The following PRKCB variants were observed in gnomAD, a reference collection of about 807,000 sequenced individuals.
PRKCB encodes the protein protein kinase C beta, also known as protein kinase C beta type.
In PRKCB, 13 loss-of-function variants were observed where a neutral mutation model predicts 81.5. That is an observed-to-expected ratio of 0.16 (90% CI 0.10 to 0.25). PRKCB has a LOEUF of 0.25. Among genes scored for constraint, PRKCB ranks in the 10% least tolerant of loss-of-function variants. The pLI is 1.00. For synonymous variants in PRKCB, 335 were observed against 321.4 expected (o/e 1.04, Z -0.45); for missense variants, 509 against 875.7 (o/e 0.58, Z 5.29).
chr16:24,029,119 G>T (rs1047129522), intron 3 of PRKCB, among the ~76,000 whole-genome samples: 11 of 152,206 alleles, frequency 7.2e-5, no homozygotes, highest in African/African-American at 2.7e-4. Context: ...CGAAAAGTAG[G>T]ATTCCTGGGT....
At chr16:23,875,167 G>A (rs1356324596) in intron 2 of PRKCB, among the ~76,000 whole-genome samples, 1 of 151,450 alleles carries the variant, frequency 6.6e-6, no homozygotes, top group Non-Finnish European at 1.5e-5. Context: ...CCCCACAAGT[G>A]GTTGGGACTA....
intron 5 of PRKCB, among the ~76,000 whole-genome samples, chr16:24,055,490 G>A (rs1220329934): frequency 1.3e-5 from 2 of 152,240 alleles, no homozygotes; most frequent in Non-Finnish European, 2.9e-5. Context: ...CTTGCTGGAT[G>A]CCTGCTTCAG....
chr16:24,149,807 A>G (rs760111137), intron 9 of PRKCB, among the ~76,000 whole-genome samples: 2 of 152,196 alleles, frequency 1.3e-5, no homozygotes, highest in Admixed American at 6.5e-5. Flanking sequence ...TGAGCTACCT[A>G]TGTAATAATT....
At chr16:24,010,207 C>A (rs1347562335) in intron 3 of PRKCB, among the ~76,000 whole-genome samples, 2 of 152,132 alleles carry the variant, frequency 1.3e-5, no homozygotes, top group African/African-American at 4.8e-5. Context: ...CCCATTGGCC[C>A]ATTGAACACC....
intron 7 of PRKCB, among the ~76,000 whole-genome samples, chr16:24,108,105 C>T (rs1023229131): frequency 1.3e-5 from 2 of 151,816 alleles, no homozygotes; most frequent in Admixed American, 6.6e-5. Context: ...CTTTAGTAAG[C>T]AACACCATCT....
chr16:24,013,071 A>G (rs538254643), intron 3 of PRKCB, among the ~76,000 whole-genome samples: 2 of 152,286 alleles, frequency 1.3e-5, no homozygotes, highest in Admixed American at 6.5e-5. Context: ...TCTCAGTTGC[A>G]TGCAGGGTTA....
At chr16:24,080,277 A>T (rs903422815) in intron 5 of PRKCB, among the ~76,000 whole-genome samples, 69 of 152,234 alleles carry the variant, frequency 4.5e-4, no homozygotes, top group Non-Finnish European at 9.0e-4. Flanking sequence ...ATTCAAATAT[A>T]ACTTAATAAT....
intron 16 of PRKCB, among the ~76,000 whole-genome samples, chr16:24,195,447 A>T (rs972608985): frequency 2.0e-5 from 3 of 152,196 alleles, no homozygotes; most frequent in Non-Finnish European, 4.4e-5. Flanking sequence ...TGATTCATGC[A>T]TGCTATTAAA....
intron 16 of PRKCB, among the ~76,000 whole-genome samples, chr16:24,196,579 A>T (rs1386987088): frequency 6.6e-6 from 1 of 152,198 alleles, no homozygotes; most frequent in Non-Finnish European, 1.5e-5. Context: ...AGATGCCATG[A>T]TGTAGCCCTG....
intron 2 of PRKCB, among the ~76,000 whole-genome samples, chr16:23,927,163 G>A (rs553397810): frequency 3.0e-4 from 46 of 152,052 alleles, no homozygotes; most frequent in African/African-American, 1.0e-3. Flanking sequence ...CTTAATTGAA[G>A]GCATCAGGAA....
In PRKCB at chr16:24,113,056, G is replaced by A. The variant is rs762879227; in HGVS notation, c.905G>A (p.Arg302Gln). 20 of 1,610,584 alleles carry A rather than the reference G, an allele frequency of 1.2e-5. No homozygotes were observed. The highest frequency in any genetic ancestry group is 3.3e-5 in the South Asian group (3 of 90,442). Residue 302 changes from arginine (R) to glutamine (Q), a missense_variant, in exon 8 of 17, where the codon CGG becomes CAG. By Grantham distance (43) the Arg-to-Gln change is conservative. Around this residue, in one of 6 missense-constraint regions of PRKCB, gnomAD observed 80 missense variants for 89.4 expected, o/e 0.90. Coordinates refer to ENST00000643927, the MANE Select transcript of PRKCB (RefSeq NM_002738.7). The stretch of plus-strand genomic sequence containing the variant: ...GGAAGTGAGGCCAATGAAGAACTGC[G>A]GCAGAAATTTGAGGTGAGGTTTCTT... ...PEGSEANEEL[R>Q]QKFERAKISQ...
At position 23,932,743 on chromosome 16, in the gene PRKCB, A is replaced by C. The variant is rs1433464824; in HGVS notation, c.206-55765A>C. Among the ~76,000 whole-genome samples, 3 of 152,212 alleles carry C rather than the reference A, an allele frequency of 2.0e-5. 1 individual carries two copies. In the East Asian group the frequency reaches 5.8e-4, roughly 29 times the overall value. On this transcript the variant is annotated intron_variant, in intron 2 of 16. Transcript: ENST00000643927. The stretch of plus-strand genomic sequence containing the variant: ...GAAGCAGTTGCCTTGGTTCCTGACA[A>C]TCCTGCATTGAAGTCAAACTGCTGT...
intron 2 of PRKCB, among the ~76,000 whole-genome samples, chr16:23,883,376 G>A (rs1481878279): frequency 2.0e-5 from 3 of 152,308 alleles, no homozygotes; most frequent in South Asian, 4.1e-4. Context: ...AGGTCTTGAG[G>A]AGGAAAGTGG....
intron 2 of PRKCB, among the ~76,000 whole-genome samples, chr16:23,936,040 A>G (rs1429328418): frequency 6.6e-6 from 1 of 152,210 alleles, no homozygotes; most frequent in Admixed American, 6.5e-5. Context: ...AAAAATGTTT[A>G]AAATCCACAC....
chr16:23,933,176 G>T (rs561186845), intron 2 of PRKCB, among the ~76,000 whole-genome samples: 1 of 152,164 alleles, frequency 6.6e-6, no homozygotes, highest in South Asian at 2.1e-4. Flanking sequence ...GACCCAGTTT[G>T]GGTCATGTAG....
chr16:24,145,484 G>C (rs1158818817), intron 9 of PRKCB, among the ~76,000 whole-genome samples: 2 of 152,210 alleles, frequency 1.3e-5, no homozygotes, highest in African/African-American at 4.8e-5. Context: ...AACAGGGTAG[G>C]AGACAACTGC....
intron 9 of PRKCB, among the ~76,000 whole-genome samples, chr16:24,137,344 G>A (rs1282111839): frequency 2.6e-5 from 4 of 151,442 alleles, no homozygotes; most frequent in Admixed American, 1.3e-4. Flanking sequence ...GCATGCCATC[G>A]TGCCTGGCTC....
chr16:23,941,671 G>A lies in PRKCB; in HGVS notation c.206-46837G>A, dbSNP rs190932076. ...AATATGATCATAGATGCAAAAAAAA[G>A]CATTTGTTAAAATTTCAATATTTGT... On this transcript the variant is annotated intron_variant, in intron 2 of 16. Coordinates refer to ENST00000643927, the MANE Select transcript of PRKCB (RefSeq NM_002738.7). Among the ~76,000 whole-genome samples, 614 of 152,136 alleles carry A rather than the reference G, an allele frequency of 4.0e-3. 2 individuals carry two copies. Among genetic ancestry groups the A allele is most frequent in the African/African-American group, 0.014 (598 of 41,502 alleles).
chr16:24,047,510 G>A (rs72779956), intron 5 of PRKCB, among the ~76,000 whole-genome samples: 14,865 of 150,958 alleles, frequency 0.098, 809 homozygotes, highest in Middle Eastern at 0.12. Flanking sequence ...TAGGCTGGGC[G>A]ACAGAGCGAG....
Sources: allele counts gnomAD v4.1 joint callset (sites outside exome capture counted in the v4.1 genomes callset), GRCh38; gene constraint gnomAD v4.1.1; regional missense constraint gnomAD v4.1.1; transcripts MANE v1.5; gene names NCBI Gene and HGNC (gene_info 2026-07-23, HGNC 2026-07-21).